DMXL1: variants seen among roughly 807,000 people sequenced by gnomAD.
The protein encoded by DMXL1 is dmX-like protein 1.
DMXL1 carries 99 observed loss-of-function variants against 319.2 expected under a neutral mutation model. The observed-to-expected ratio is 0.31, with a 90% CI of 0.26 to 0.37. DMXL1 has a LOEUF of 0.37. Ranked by LOEUF, DMXL1 falls within the 10% of genes least tolerant of loss-of-function variation. The pLI, the probability that DMXL1 is intolerant of heterozygous loss-of-function variation, is 1.00. For synonymous variants in DMXL1, 1,385 were observed against 1,235.2 expected (o/e 1.12, Z -2.54); for missense variants, 3,745 against 3,595.6 (o/e 1.04, Z -1.06).
chr5:119,244,502 T>A lies in DMXL1; in HGVS notation c.8848T>A (p.Ser2950Thr). 1 of 1,614,208 alleles carries A rather than the reference T, an allele frequency of 6.2e-7. No individual in the cohort carries two copies. Among genetic ancestry groups the A allele is most frequent in the Non-Finnish European group, 8.5e-7 (1 of 1,180,024 alleles). The change falls in exon 43 of 44, where the codon TCT becomes ACT. Residue 2950 changes from serine to threonine, a missense_variant. By Grantham distance (58) the Ser-to-Thr change is moderately conservative. This residue lies in a region of DMXL1 where 262 missense variants were observed against 320.5 expected (regional missense o/e 0.82). Transcript: ENST00000539542. The stretch of plus-strand genomic sequence containing the variant: ...GAGGCAGCTTTTCCAGAGCCATGAT[T>A]CTCCTGTTAAAGCCGTTGCTGTTGA... Reference protein sequence around the residue: ...QQRQLFQSHDSPVKAVAVDPT... With the variant: ...QQRQLFQSHDTPVKAVAVDPT...
intron 1 of DMXL1, among the ~76,000 whole-genome samples, chr5:119,076,293 C>T (rs112764922): frequency 3.3e-5 from 5 of 152,276 alleles, no homozygotes; most frequent in Non-Finnish European, 5.9e-5. Flanking sequence ...TAGTCGTCTT[C>T]AGCTTTCTGT....
intron 28 of DMXL1, among the ~76,000 whole-genome samples, chr5:119,181,269 G>A (rs1424192305): frequency 6.6e-6 from 1 of 152,132 alleles, no homozygotes; most frequent in African/African-American, 2.4e-5. Flanking sequence ...TTTAACCTCA[G>A]CCAATAATAA....
At chr5:119,224,886 T>C (rs1037908068) in intron 38 of DMXL1, 117 bp downstream of exon 38, 2 of 422,586 alleles carry the variant, frequency 4.7e-6, no homozygotes, top group Admixed American at 4.1e-5. Flanking sequence ...TTTATTTGAC[T>C]TTTTTTCTAG....
intron 25 of DMXL1, among the ~76,000 whole-genome samples, chr5:119,172,440 A>G (rs1295178466): frequency 1.3e-5 from 2 of 152,184 alleles, no homozygotes; most frequent in East Asian, 3.8e-4. Context: ...ACCAGCTACA[A>G]CAGAATCAGC....
At chr5:119,096,049 G>T (rs1268371530) in intron 1 of DMXL1, among the ~76,000 whole-genome samples, 1 of 152,050 alleles carries the variant, frequency 6.6e-6, no homozygotes, top group Non-Finnish European at 1.5e-5. Flanking sequence ...ACTTATTTGG[G>T]CCTTGATTTT....
Position 119,147,417 on chromosome 5 carries a change from A to G in DMXL1, c.2858A>G (p.Gln953Arg), listed in dbSNP as rs1768821590. 16 of 1,613,454 alleles carry G rather than the reference A, an allele frequency of 9.9e-6. No individual in the cohort carries two copies. Among genetic ancestry groups the G allele is most frequent in the Non-Finnish European group, 1.2e-5 (14 of 1,179,690 alleles). Residue 953 changes from glutamine (Q) to arginine (R), a missense_variant, in exon 17 of 44, where the codon CAA becomes CGA. Transcript: ENST00000539542. Reference protein sequence around the residue: ...LTLFSEMVYSQELHLPEGVEI... With the variant: ...LTLFSEMVYSRELHLPEGVEI... ...CTGTTTTCAGAAATGGTTTATAGCC[A>G]AGAATTGCATTTACCAGAAGGAGTT...
intron 34 of DMXL1, among the ~76,000 whole-genome samples, chr5:119,214,399 G>A (rs1783320277): frequency 6.6e-6 from 1 of 152,088 alleles, no homozygotes; most frequent in Admixed American, 6.6e-5. Flanking sequence ...CTGGTTTTCT[G>A]ATAGTCATTC....
At chr5:119,196,316 C>A in intron 30 of DMXL1, 55 bp from the exon 31 acceptor site, 1 of 1,360,804 alleles carries the variant, frequency 7.3e-7, no homozygotes, top group Non-Finnish European at 1.1e-6. Flanking sequence ...GGGTAGTATA[C>A]TCTTCTAAAT....
At chr5:119,246,543 C>T (rs1789803657) in intron 43 of DMXL1, among the ~76,000 whole-genome samples, 1 of 151,888 alleles carries the variant, frequency 6.6e-6, no homozygotes, top group South Asian at 2.1e-4. Flanking sequence ...CCTAGGCCTA[C>T]ACAGATTTTT....
Position 119,170,371 on chromosome 5 carries a change from C to T in DMXL1, c.5580C>T (p.Thr1860=), listed in dbSNP as rs371002449. 5 of 1,613,860 alleles carry T rather than the reference C, an allele frequency of 3.1e-6. No homozygotes were observed. The East Asian group carries it at 1.1e-4, about 36-fold the overall frequency. The change falls in exon 24 of 44, where the codon ACC becomes ACT. Residue 1860 remains threonine, a synonymous_variant. Coordinates refer to ENST00000539542, the MANE Select transcript of DMXL1 (RefSeq NM_001290321.3). ...TAAGTGAAAGACGTTTATTTTTTACCACTGCCAGTGCTCATTTAAAAGCTG... is the reference window on the plus strand; with the variant it reads ...TAAGTGAAAGACGTTTATTTTTTACTACTGCCAGTGCTCATTTAAAAGCTG... ...INLSERRLFF[T]TASAHLKAGC...
chr5:119,071,771 C>A, intron 1 of DMXL1, 115 bp downstream of exon 1: 1 of 922,192 alleles, frequency 1.1e-6, no homozygotes, highest in Non-Finnish European at 1.6e-6. Context: ...CCAGGGGGGT[C>A]CTTACCACCC....
chr5:119,133,168 C>T lies in DMXL1; in HGVS notation c.1352C>T (p.Pro451Leu), dbSNP rs369680402. Residue 451 changes from proline to leucine, a missense_variant, in exon 11 of 44, where the codon CCC becomes CTC. Physicochemically the swap from Pro to Leu is moderately conservative, Grantham distance 98. This residue lies in a region of DMXL1 where 2,096 missense variants were observed against 1,985.4 expected (regional missense o/e 1.06). Transcript: ENST00000539542. ...GGTGTTGATGATCTGAAAATAAATC[C>T]CGAAAAGAAGGAATTAGGCTGTGAT... ...DDGVDDLKIN[P>L]EKKELGCDKM... The T allele has an allele frequency of 6.2e-6, 10 of 1,613,896 alleles. No homozygotes were observed. In the African/African-American group the frequency reaches 1.2e-4, roughly 19 times the overall value.
At chr5:119,081,590 T>C in intron 1 of DMXL1, 1 of 985,406 alleles carries the variant, frequency 1.0e-6, no homozygotes, top group Non-Finnish European at 1.2e-6. Context: ...TAAGAACTCC[T>C]AAGTGTTGGA....
At position 119,146,013 on chromosome 5, in the gene DMXL1, A is replaced by G. The variant is rs192444423; in HGVS notation, c.2570-824A>G. Among the ~76,000 whole-genome samples the G allele has an allele frequency of 8.0e-4, 122 of 151,928 alleles. 1 individual carries two copies. Among genetic ancestry groups the G allele is most frequent in the African/African-American group, 2.7e-3 (114 of 41,552 alleles). On this transcript the variant is annotated intron_variant, in intron 15 of 43. Coordinates refer to ENST00000539542, the MANE Select transcript of DMXL1 (RefSeq NM_001290321.3). ...GTATTTTGGATGCCTAACTTAGAAT[A>G]CATTACCAAAGTTACCTTTTCATTT... is the stretch of plus-strand genomic sequence containing the variant.
In DMXL1 at chr5:119,178,296, T is replaced by A. The variant is rs556898321; in HGVS notation, c.7135+52T>A. On this transcript the variant is annotated intron_variant, in intron 28 of 43. Coordinates refer to ENST00000539542, the MANE Select transcript of DMXL1 (RefSeq NM_001290321.3). ...TGAAGCTTTATTTATCTGAGTGATA[T>A]CATTCTCAAACGTAATTACATTTTA... 6 of 1,552,038 alleles carry A rather than the reference T, an allele frequency of 3.9e-6. No homozygotes were observed. In the Admixed American group the frequency reaches 7.3e-5, roughly 19 times the overall value.
Position 119,144,616 on chromosome 5 carries a change from A to T in DMXL1, c.2547A>T (p.Lys849Asn), listed in dbSNP as rs781003402. ...LNNLEKKSLG[K>N]DSILSNAGSS... ...ACCTTGAGAAGAAAAGCCTTGGCAA[A>T]GACAGCATTTTATCTAATGCAGGTA... Residue 849 changes from lysine (K) to asparagine (N), a missense_variant, in exon 15 of 44, where the codon AAA becomes AAT. Lys to Asn is a moderately conservative substitution (Grantham distance 94). Around this residue, in one of 4 missense-constraint regions of DMXL1, gnomAD observed 2,096 missense variants for 1,985.4 expected, o/e 1.06. Coordinates refer to ENST00000539542, the MANE Select transcript of DMXL1 (RefSeq NM_001290321.3). 30 of 1,599,610 alleles carry T rather than the reference A, an allele frequency of 1.9e-5. No homozygotes were observed. Among genetic ancestry groups the T allele is most frequent in the Non-Finnish European group, 2.6e-5 (30 of 1,174,646 alleles).
chr5:119,105,911 A>G (rs1266655022), intron 4 of DMXL1, among the ~76,000 whole-genome samples: 1 of 133,924 alleles, frequency 7.5e-6, no homozygotes, highest in Non-Finnish European at 1.6e-5. Flanking sequence ...AAAAAAAAAA[A>G]GGAAGAAAAT....
chr5:119,186,894 G>A (rs1170701599), intron 28 of DMXL1, among the ~76,000 whole-genome samples: 9 of 150,504 alleles, frequency 6.0e-5, no homozygotes, highest in African/African-American at 2.0e-4. Flanking sequence ...AAAAGTACGG[G>A]AAGGGGAACA....
At chr5:119,227,061 G>C (rs975550712) in intron 38 of DMXL1, among the ~76,000 whole-genome samples, 1 of 152,132 alleles carries the variant, frequency 6.6e-6, no homozygotes, top group African/African-American at 2.4e-5. Flanking sequence ...GAGTGGAACT[G>C]AAAGTTTCAA....
Sources: gnomAD v4.1 joint callset for allele counts (sites outside exome capture counted in the v4.1 genomes callset) on GRCh38, gnomAD v4.1.1 for gene constraint, gnomAD v4.1.1 regional missense constraint, MANE v1.5 for transcripts, NCBI Gene and HGNC (gene_info 2026-07-23, HGNC 2026-07-21) for gene names.